The following NEK4 variants were observed in gnomAD, a reference collection of about 807,000 sequenced individuals.
NEK4 encodes the protein serine/threonine-protein kinase Nek4.
In NEK4, 86 loss-of-function variants were observed where a neutral mutation model predicts 98.4. The observed-to-expected ratio is 0.87, with a 90% CI of 0.73 to 1.05. The LOEUF (loss-of-function observed/expected upper bound fraction) is 1.05, where lower values mean the gene tolerates loss of function less well. NEK4 is among the 50% of genes least tolerant of loss of function. NEK4 has a pLI of 0.00. For missense variants in NEK4, 898 were observed against 950.3 expected, an observed-to-expected ratio of 0.94 and a Z score of 0.72; for synonymous variants, 328 against 342.2, an observed-to-expected ratio of 0.96 and a Z score of 0.46.
At chr3:52,728,963 G>C (rs1400365239) in intron 15 of NEK4, among the ~76,000 whole-genome samples, 1 of 152,128 alleles carries the variant, frequency 6.6e-6, no homozygotes, top group African/African-American at 2.4e-5. Context: ...GGTCAGACCG[G>C]TTCTCTGCTC....
chr3:52,734,666 CAAAAAAAAAAA>C (rs59075830), intron 15 of NEK4: 11 of 71,390 alleles, frequency 1.5e-4, no homozygotes, highest in South Asian at 1.5e-3. Flanking sequence ...GACTCCGTCT[CAAAAAAAAAAA>C]AAAAAAAAAA....
chr3:52,763,320 G>C (rs1698426264), intron 5 of NEK4, 150 bp downstream of exon 5: 1 of 704,492 alleles, frequency 1.4e-6, no homozygotes, highest in Non-Finnish European at 2.3e-6. Flanking sequence ...TAAGAGGGTA[G>C]AATTTTGCCT....
intron 15 of NEK4, among the ~76,000 whole-genome samples, chr3:52,718,923 A>C (rs150118086): frequency 0.03 from 4,574 of 152,168 alleles, 238 homozygotes; most frequent in African/African-American, 0.1. Flanking sequence ...ACGCCTGGCT[A>C]ATTTTGTATT....
intron 6 of NEK4, chr3:52,754,411 G>A (rs760701252): frequency 2.0e-6 from 1 of 501,622 alleles, no homozygotes; most frequent in Non-Finnish European, 4.0e-6. Flanking sequence ...TAAACCCAGA[G>A]GCTGCAATAC....
intron 11 of NEK4, 32 bp downstream of exon 11, chr3:52,744,207 C>T: frequency 1.9e-6 from 3 of 1,546,004 alleles, no homozygotes; most frequent in Non-Finnish European, 1.8e-6. Context: ...CCCCTAACTG[C>T]CAATTAGATG....
chr3:52,712,719 C>A (rs982851101), intron 15 of NEK4, among the ~76,000 whole-genome samples: 1 of 152,182 alleles, frequency 6.6e-6, no homozygotes, highest in Non-Finnish European at 1.5e-5. Flanking sequence ...CCCCAGCTAC[C>A]CTGGCCAAAC....
intron 15 of NEK4, among the ~76,000 whole-genome samples, chr3:52,724,483 T>G (rs2097362784): frequency 1.3e-5 from 2 of 152,188 alleles, no homozygotes. Flanking sequence ...AATCAAGACA[T>G]TTCCAGATAA....
At chr3:52,737,743 A>T (rs2097378685) in intron 14 of NEK4, 24 bp from the exon 15 acceptor site, 1 of 1,579,364 alleles carries the variant, frequency 6.3e-7, no homozygotes, top group African/African-American at 1.4e-5. Flanking sequence ...ACAAAGACAA[A>T]GGGAAAAATA....
chr3:52,742,271 A>G (rs1210572076), intron 12 of NEK4, among the ~76,000 whole-genome samples: 1 of 150,784 alleles, frequency 6.6e-6, no homozygotes, highest in African/African-American at 2.4e-5. Flanking sequence ...GGGTGTCACT[A>G]TGTTGTCCAG....
chr3:52,737,481 T>A, intron 15 of NEK4, 105 bp downstream of exon 15: 1 of 1,204,512 alleles, frequency 8.3e-7, no homozygotes, highest in African/African-American at 1.5e-5. Flanking sequence ...ACCACTGAAT[T>A]ATACACTTTA....
chr3:52,752,437 A>C (rs967559872), intron 6 of NEK4, 101 bp from the exon 7 acceptor site: 3 of 1,132,248 alleles, frequency 2.6e-6, no homozygotes, highest in Non-Finnish European at 3.8e-6. Flanking sequence ...TTAAACATAG[A>C]ATTAACATAT....
intron 15 of NEK4, among the ~76,000 whole-genome samples, chr3:52,729,394 A>T (rs1451910954): frequency 4.6e-5 from 7 of 151,932 alleles, no homozygotes. Flanking sequence ...ATGGAGCGAA[A>T]GCCTGTTTCA....
chr3:52,770,379 T>G (rs912326716), intron 1 of NEK4, among the ~76,000 whole-genome samples: 13 of 150,826 alleles, frequency 8.6e-5, no homozygotes, highest in Admixed American at 5.3e-4. Context: ...AAGAAGTAGA[T>G]AGGCAGAGAC....
intron 15 of NEK4, among the ~76,000 whole-genome samples, chr3:52,719,034 G>A (rs2097357731): frequency 6.6e-6 from 1 of 152,230 alleles, no homozygotes; most frequent in African/African-American, 2.4e-5. Context: ...TGGGCATACA[G>A]GGATGAGCCA....
chr3:52,748,126 ATT>A (rs35506705), intron 8 of NEK4, among the ~76,000 whole-genome samples: 2 of 142,232 alleles, frequency 1.4e-5, no homozygotes, highest in African/African-American at 2.6e-5. Flanking sequence ...CGCCCAGCTA[ATT>A]TTTTTTTTTT....
At position 52,720,790 on chromosome 3, in the gene NEK4, G is replaced by A. The variant is rs144664200; in HGVS notation, c.2434-8921C>T. On this transcript the variant is annotated intron_variant, in intron 15 of 15. Transcript: ENST00000233027. The stretch of plus-strand genomic sequence containing the variant: ...GAAGTTCATCAAGCTAAAAGGATGA[G>A]ACCCTACACAATAACTCAAAGCAAT... Among the ~76,000 whole-genome samples, 832 of 152,340 alleles carry A rather than the reference G, an allele frequency of 5.5e-3. 12 individuals are homozygous for A. The South Asian group carries it at 0.067, about 12-fold the overall frequency.
At chr3:52,758,803 A>G (rs1236411784) in intron 6 of NEK4, among the ~76,000 whole-genome samples, 1 of 152,108 alleles carries the variant, frequency 6.6e-6, no homozygotes, top group Non-Finnish European at 1.5e-5. Context: ...CAAAAACACA[A>G]TTTAAAACTG....
chr3:52,753,698 G>A (rs1186353805), intron 6 of NEK4: 1 of 576,964 alleles, frequency 1.7e-6, no homozygotes, highest in Non-Finnish European at 3.5e-6. Flanking sequence ...TGTCCCAGCA[G>A]CACAGTCAAC....
chr3:52,713,934 A>G (rs1285354915), intron 15 of NEK4, among the ~76,000 whole-genome samples: 1 of 151,808 alleles, frequency 6.6e-6, no homozygotes, highest in Admixed American at 6.6e-5. Flanking sequence ...AGCTCTGTAA[A>G]CCTCCCACCA....
Sources: gnomAD v4.1 joint callset for allele counts (sites outside exome capture counted in the v4.1 genomes callset) on GRCh38, gnomAD v4.1.1 for gene constraint, MANE v1.5 for transcripts, NCBI Gene and HGNC (gene_info 2026-07-23, HGNC 2026-07-21) for gene names.